Variants in PTBP2 observed in about 807,000 individuals in gnomAD.
PTBP2 encodes the protein polypyrimidine tract binding protein 2.
In PTBP2, 13 loss-of-function variants were observed where a neutral mutation model predicts 61.4. The observed-to-expected ratio is 0.21, with a 90% CI of 0.14 to 0.34. The LOEUF (loss-of-function observed/expected upper bound fraction) is 0.34. Among genes scored for constraint, PTBP2 ranks in the 10% least tolerant of loss-of-function variants. The pLI, the probability that PTBP2 is intolerant of heterozygous loss-of-function variation, is 1.00. For missense variants in PTBP2, 405 were observed against 642.6 expected, an observed-to-expected ratio of 0.63 and a Z score of 4.00; for synonymous variants, 215 against 218.5, an observed-to-expected ratio of 0.98 and a Z score of 0.14.
intron 8 of PTBP2, among the ~76,000 whole-genome samples, chr1:96,802,947 G>A (rs970642282): frequency 1.3e-5 from 2 of 152,158 alleles, no homozygotes; most frequent in South Asian, 2.1e-4. Flanking sequence ...ACAATATGGG[G>A]AGGTCACTTC....
rs114916153 is a variant in PTBP2, at chr1:96,731,354, T to C, written c.39+7760T>C. ...TCTAGGTTTTATCAAAATTTAAGAATACTAGCTTATTTTACACTAAAAATT... is the reference window on the plus strand; with the variant it reads ...TCTAGGTTTTATCAAAATTTAAGAACACTAGCTTATTTTACACTAAAAATT... On this transcript the variant is annotated intron_variant, in intron 2 of 13. Coordinates refer to ENST00000674951, the MANE Select transcript of PTBP2 (RefSeq NM_021190.4). Among the ~76,000 whole-genome samples, 55 of 152,320 alleles carry C rather than the reference T, an allele frequency of 3.6e-4. 1 individual carries two copies. The highest frequency in any genetic ancestry group is 7.1e-4 in the Non-Finnish European group (48 of 68,018).
intron 3 of PTBP2, among the ~76,000 whole-genome samples, chr1:96,767,644 G>C (rs545525155): frequency 6.6e-6 from 1 of 152,134 alleles, no homozygotes; most frequent in Non-Finnish European, 1.5e-5. Flanking sequence ...CGATTGTTGT[G>C]TGTGCCCATT....
At chr1:96,779,557 T>C (rs1017484901) in intron 7 of PTBP2, among the ~76,000 whole-genome samples, 1 of 152,094 alleles carries the variant, frequency 6.6e-6, no homozygotes, top group African/African-American at 2.4e-5. Context: ...TTGTTTAATC[T>C]TCTGTGAACA....
At chr1:96,812,044 G>A (rs890766666) in intron 11 of PTBP2, among the ~76,000 whole-genome samples, 1 of 152,110 alleles carries the variant, frequency 6.6e-6, no homozygotes, top group Non-Finnish European at 1.5e-5. Context: ...CATCATGTTG[G>A]CCCTCAGTTT....
intron 3 of PTBP2, among the ~76,000 whole-genome samples, chr1:96,754,164 C>A (rs548535624): frequency 1.9e-4 from 29 of 151,822 alleles, no homozygotes; most frequent in Non-Finnish European, 3.8e-4. Flanking sequence ...GCGAAAAAAA[C>A]GTCTAACAGG....
At chr1:96,763,010 C>G (rs1402403730) in intron 3 of PTBP2, among the ~76,000 whole-genome samples, 1 of 151,640 alleles carries the variant, frequency 6.6e-6, no homozygotes, top group African/African-American at 2.4e-5. Context: ...TCCTCACTTC[C>G]TAGATGGGAT....
chr1:96,803,048 G>A (rs1403246462), intron 8 of PTBP2, among the ~76,000 whole-genome samples: 1 of 152,150 alleles, frequency 6.6e-6, no homozygotes, highest in Admixed American at 6.5e-5. Context: ...CGTATCCATT[G>A]AATGTTAAAT....
At chr1:96,727,838 G>C (rs1169210819) in intron 2 of PTBP2, among the ~76,000 whole-genome samples, 1 of 151,828 alleles carries the variant, frequency 6.6e-6, no homozygotes, top group Non-Finnish European at 1.5e-5. Flanking sequence ...TCTTATTCTC[G>C]CATTGTCTTT....
At chr1:96,758,769 A>G (rs1655449951) in intron 3 of PTBP2, among the ~76,000 whole-genome samples, 1 of 152,150 alleles carries the variant, frequency 6.6e-6, no homozygotes, top group Admixed American at 6.5e-5. Flanking sequence ...TGAAGCAAGG[A>G]TGTCTGTTTT....
chr1:96,734,894 T>C (rs1489641945), intron 2 of PTBP2, among the ~76,000 whole-genome samples: 2 of 137,304 alleles, frequency 1.5e-5, no homozygotes, highest in African/African-American at 2.6e-5. Flanking sequence ...AATTGTCTCC[T>C]TTTTTTTTCT....
Position 96,812,707 on chromosome 1 carries a change from T to C in PTBP2, c.1172-5T>C, listed in dbSNP as rs1269052846. ...TTTGTTAATAGACATGCTTTCTTTT[T>C]ATAGCCATGAATCATCTTAATGGAC... is the stretch of plus-strand genomic sequence containing the variant. On this transcript the variant is annotated splice_polypyrimidine_tract_variant and splice_region_variant and intron_variant, in intron 11 of 13. Coordinates refer to ENST00000674951, the MANE Select transcript of PTBP2 (RefSeq NM_021190.4). 1.9e-6 allele frequency: 3 copies of C among 1,554,502 alleles called. No homozygotes were observed. The highest frequency in any genetic ancestry group is 2.7e-6 in the Non-Finnish European group (3 of 1,129,454).
At chr1:96,749,311 G>C (rs1312944245) in intron 2 of PTBP2, among the ~76,000 whole-genome samples, 1 of 152,056 alleles carries the variant, frequency 6.6e-6, no homozygotes, top group East Asian at 1.9e-4. Context: ...GTGTATGGAA[G>C]GATTTGAATT....
chr1:96,744,705 C>T (rs1209588243), intron 2 of PTBP2, among the ~76,000 whole-genome samples: 20 of 152,050 alleles, frequency 1.3e-4, no homozygotes. Context: ...TTAAATTATC[C>T]TTATTCTTAC....
chr1:96,765,090 A>G (rs930534030), intron 3 of PTBP2, among the ~76,000 whole-genome samples: 1 of 152,180 alleles, frequency 6.6e-6, no homozygotes, highest in Non-Finnish European at 1.5e-5. Context: ...AGGAAAGAGT[A>G]GCAGCATTCA....
rs373815292 is a variant in PTBP2 at position 96,799,294 on chromosome 1, C to CTTT, written c.905-5489_905-5487dup. Among the ~76,000 whole-genome samples the CTTT allele has an allele frequency of 6.3e-3, 583 of 92,140 alleles. 54 individuals carry two copies. Among genetic ancestry groups the CTTT allele is most frequent in the Non-Finnish European group, 8.2e-3 (411 of 50,234 alleles). The allele number at this position is 92,140 out of a possible 152,430, so 60.4% of individuals were successfully genotyped here. A position where few individuals can be genotyped will look rare whatever the true frequency, so the allele number is the denominator to read the frequency against. On this transcript the variant is annotated intron_variant, in intron 8 of 13. Transcript: ENST00000674951. The stretch of plus-strand genomic sequence containing the variant: ...ATAGCAATCCTCAGAATAGATCAAG[C>CTTT]TTTTTTTTTTTTTTTTTTTGAGATG...
chr1:96,733,102 C>T (rs1651676782), intron 2 of PTBP2, among the ~76,000 whole-genome samples: 1 of 150,228 alleles, frequency 6.7e-6, no homozygotes, highest in Non-Finnish European at 1.5e-5. Context: ...AGAAATCTGA[C>T]ACAGGTGGGC....
rs945307511 is a variant in PTBP2 at position 96,814,561 on chromosome 1, T to A, written c.*1156T>A. 22 of 152,526 alleles carry A rather than the reference T, an allele frequency of 1.4e-4. No homozygotes were observed. The highest frequency in any genetic ancestry group is 2.0e-4 in the Admixed American group (3 of 15,268). The allele number at this position is 152,526 out of a possible 1,614,324, so 9.4% of individuals were successfully genotyped here. ...ACTTTAATAAAAACATGGCTCAGAA[T>A]CTACAGGTCAAATTAATTTGAACAG... is the stretch of plus-strand genomic sequence containing the variant. On this transcript the variant is annotated 3_prime_UTR_variant, in exon 14 of 14. Coordinates refer to ENST00000674951, the MANE Select transcript of PTBP2 (RefSeq NM_021190.4).
At chr1:96,732,056 A>G (rs1047827953) in intron 2 of PTBP2, among the ~76,000 whole-genome samples, 4 of 152,306 alleles carry the variant, frequency 2.6e-5, no homozygotes, top group East Asian at 1.9e-4. Flanking sequence ...ATCAAGACCT[A>G]TAACTGGACA....
At chr1:96,817,090 A>G (rs1662515429), downstream of PTBP2, 1 of 152,196 alleles carries the variant, frequency 6.6e-6, no homozygotes, top group Non-Finnish European at 1.5e-5. Context: ...TTTGAACTTG[A>G]TAGCCCAATC....
Sources: gnomAD v4.1 joint callset for allele counts (sites outside exome capture counted in the v4.1 genomes callset) on GRCh38, gnomAD v4.1.1 for gene constraint, MANE v1.5 for transcripts, NCBI Gene and HGNC (gene_info 2026-07-23, HGNC 2026-07-21) for gene names.